PRKCA: variants seen among roughly 807,000 people sequenced by gnomAD.
PRKCA encodes protein kinase C alpha, also known as protein kinase C alpha type.
In PRKCA, 27 loss-of-function variants were observed where a neutral mutation model predicts 87.0. The ratio of observed to expected loss-of-function variants is 0.31; its 90% CI spans 0.23 to 0.43. The LOEUF is 0.43. PRKCA is among the 20% of genes least tolerant of loss of function. The pLI is 1.00. For synonymous variants in PRKCA, 329 were observed against 311.1 expected (o/e 1.06, Z -0.61); for missense variants, 518 against 852.3 (o/e 0.61, Z 4.88).
At chr17:66,482,121 A>AAAAAAAAAAAG (rs1915813219) in intron 2 of PRKCA, among the ~76,000 whole-genome samples, 3 of 148,228 alleles carry the variant, frequency 2.0e-5, no homozygotes, top group African/African-American at 7.8e-5. Flanking sequence ...AAAAAAAGAA[A>AAAAAAAAAAAG]AAAAGAAAAA....
intron 3 of PRKCA, among the ~76,000 whole-genome samples, chr17:66,620,506 G>A (rs979578941): frequency 3.9e-5 from 6 of 152,212 alleles, no homozygotes; most frequent in Admixed American, 1.3e-4. Flanking sequence ...TGTGGCTACC[G>A]ATAGCTGCAG....
At chr17:66,691,144 AAAAC>A (rs1972775951) in intron 8 of PRKCA, among the ~76,000 whole-genome samples, 1 of 152,240 alleles carries the variant, frequency 6.6e-6, no homozygotes, top group South Asian at 2.1e-4. Flanking sequence ...CTGACTCAAG[AAAAC>A]AAACAAAAAA....
chr17:66,506,470 G>A (rs149621525), intron 3 of PRKCA, among the ~76,000 whole-genome samples: 180 of 152,224 alleles, frequency 1.2e-3, no homozygotes, highest in African/African-American at 4.2e-3. Flanking sequence ...ACAGGGCCTG[G>A]CACAAATTAG....
chr17:66,359,775 G>A lies in PRKCA; in HGVS notation c.205+53648G>A, dbSNP rs189327352. Among the ~76,000 whole-genome samples, 38 of 152,206 alleles carry A rather than the reference G, an allele frequency of 2.5e-4. No homozygotes were observed. In the East Asian group the frequency reaches 5.4e-3, roughly 22 times the overall value. On this transcript the variant is annotated intron_variant, in intron 2 of 16. Transcript: ENST00000413366. ...CTTTTAGGCTTCTCTCAAGTATGTC[G>A]GGAACAGAAAAGGATTATAGAAATA...
intron 2 of PRKCA, among the ~76,000 whole-genome samples, chr17:66,453,170 G>T (rs1179263566): frequency 6.6e-6 from 1 of 152,158 alleles, no homozygotes; most frequent in African/African-American, 2.4e-5. Context: ...CACTGAAGAT[G>T]GAGCTCCTGA....
intron 2 of PRKCA, among the ~76,000 whole-genome samples, chr17:66,479,667 T>C (rs1365485496): frequency 6.6e-6 from 1 of 152,196 alleles, no homozygotes; most frequent in Non-Finnish European, 1.5e-5. Context: ...TGGAATACTA[T>C]GCAGCCATAA....
chr17:66,551,782 T>C (rs1034200513), intron 3 of PRKCA, among the ~76,000 whole-genome samples: 1 of 152,072 alleles, frequency 6.6e-6, no homozygotes, highest in Non-Finnish European at 1.5e-5. Context: ...AATTTATATA[T>C]ATATATGAGA....
At chr17:66,737,174 A>G (rs1024550336) in intron 10 of PRKCA, among the ~76,000 whole-genome samples, 2 of 147,054 alleles carry the variant, frequency 1.4e-5, no homozygotes, top group South Asian at 2.2e-4. Flanking sequence ...AACACGGTGA[A>G]ACCCCGTCTC....
At chr17:66,449,992 C>T (rs138168750) in intron 2 of PRKCA, among the ~76,000 whole-genome samples, 219 of 151,846 alleles carry the variant, frequency 1.4e-3, no homozygotes, top group African/African-American at 5.1e-3. Context: ...GGAGGTATAC[C>T]TTGGGGAGTG....
chr17:66,726,857 T>C (rs2144180789), intron 8 of PRKCA, among the ~76,000 whole-genome samples: 1 of 152,152 alleles, frequency 6.6e-6, no homozygotes, highest in Admixed American at 6.5e-5. Context: ...CCCAAGTAGC[T>C]GGGACTACAG....
chr17:66,781,068 C>T (rs1321393097), intron 14 of PRKCA, among the ~76,000 whole-genome samples: 1 of 152,164 alleles, frequency 6.6e-6, no homozygotes, highest in East Asian at 1.9e-4. Flanking sequence ...GAGATCGCAC[C>T]ACTGCACTCC....
intron 5 of PRKCA, among the ~76,000 whole-genome samples, chr17:66,668,152 C>T (rs552870392): frequency 6.6e-6 from 1 of 152,316 alleles, no homozygotes; most frequent in South Asian, 2.1e-4. Flanking sequence ...GGGTCTTCGA[C>T]CAGCCAAAAA....
At chr17:66,398,586 G>A (rs954868547) in intron 2 of PRKCA, among the ~76,000 whole-genome samples, 4 of 152,198 alleles carry the variant, frequency 2.6e-5, no homozygotes, top group African/African-American at 7.2e-5. Context: ...ATTAGAAGCT[G>A]TGAGGAGTGT....
chr17:66,645,205 A>C (rs1274684679), intron 4 of PRKCA, among the ~76,000 whole-genome samples, 178 bp from the exon 5 acceptor site: 1 of 152,214 alleles, frequency 6.6e-6, no homozygotes, highest in Non-Finnish European at 1.5e-5. Context: ...ATTGTCACTC[A>C]CATGAAGCCT....
intron 13 of PRKCA, among the ~76,000 whole-genome samples, chr17:66,747,260 G>A (rs746750712): frequency 3.3e-5 from 5 of 152,122 alleles, no homozygotes; most frequent in Non-Finnish European, 7.3e-5. Context: ...TGTAGGGATG[G>A]GGGTCTCGCT....
At chr17:66,702,731 C>T (rs1973094400) in intron 8 of PRKCA, among the ~76,000 whole-genome samples, 1 of 152,064 alleles carries the variant, frequency 6.6e-6, no homozygotes, top group Admixed American at 6.6e-5. Flanking sequence ...TACAGGGATG[C>T]CTTCTGAAAA....
At chr17:66,542,032 G>T (rs1051935691) in intron 3 of PRKCA, among the ~76,000 whole-genome samples, 2 of 152,220 alleles carry the variant, frequency 1.3e-5, no homozygotes, top group African/African-American at 4.8e-5. Context: ...GAGTCCTGAA[G>T]CTCGTGTTGC....
chr17:66,693,293 C>T (rs1168482893), intron 8 of PRKCA, among the ~76,000 whole-genome samples: 2 of 151,674 alleles, frequency 1.3e-5, no homozygotes, highest in African/African-American at 4.9e-5. Context: ...TACTCATGGA[C>T]AGTGTGTCTG....
At chr17:66,671,007 C>T (rs904749169) in intron 5 of PRKCA, among the ~76,000 whole-genome samples, 5 of 151,494 alleles carry the variant, frequency 3.3e-5, no homozygotes, top group East Asian at 1.9e-4. Flanking sequence ...GTCAGGAGTT[C>T]GAGACCAGTC....
Sources: allele counts gnomAD v4.1 joint callset (sites outside exome capture counted in the v4.1 genomes callset), GRCh38; gene constraint gnomAD v4.1.1; transcripts MANE v1.5; gene names NCBI Gene and HGNC (gene_info 2026-07-23, HGNC 2026-07-21).